The following PCNX1 variants were observed in gnomAD, a reference collection of about 807,000 sequenced individuals.
PCNX1 encodes pecanex-like protein 1.
Under a neutral mutation model 242.2 loss-of-function variants are expected in PCNX1, and 78 were observed. The ratio of observed to expected loss-of-function variants is 0.32; its 90% CI spans 0.27 to 0.39. The LOEUF (loss-of-function observed/expected upper bound fraction) is 0.39. PCNX1 is among the 10% of genes least tolerant of loss of function. The pLI is 1.00. For missense variants in PCNX1, 2,581 were observed against 2,856.5 expected (o/e 0.90, Z 2.20); for synonymous variants, 1,024 against 1,032.9 (o/e 0.99, Z 0.17).
At chr14:71,068,494 A>ATATATATG (rs1491313943) in intron 26 of PCNX1, among the ~76,000 whole-genome samples, 2 of 149,306 alleles carry the variant, frequency 1.3e-5, no homozygotes, top group Non-Finnish European at 3.0e-5. Flanking sequence ...ACACACACAC[A>ATATATATG]TATATATGTA....
In PCNX1 at chr14:71,034,964, C is replaced by G. The variant is rs76942861; in HGVS notation, c.3774+928C>G. Among the ~76,000 whole-genome samples, 1,368 of 152,234 alleles carry G rather than the reference C, an allele frequency of 9.0e-3. 10 individuals are homozygous for G. The highest frequency in any genetic ancestry group is 0.012 in the Non-Finnish European group (843 of 68,002). ...CTATGACCACTGATGGAACCAAAAT[C>G]TAATAAGTAAAATAGGACTTAAGCA... On this transcript the variant is annotated intron_variant, in intron 18 of 35. Coordinates refer to ENST00000304743, the MANE Select transcript of PCNX1 (RefSeq NM_014982.3).
chr14:71,032,131 G>C (rs1423801984), intron 16 of PCNX1, among the ~76,000 whole-genome samples: 7 of 152,168 alleles, frequency 4.6e-5, no homozygotes, highest in African/African-American at 1.7e-4. Flanking sequence ...TCTCCCAGAG[G>C]CTTGACTTAC....
chr14:70,926,645 A>C (rs983324307), intron 1 of PCNX1, among the ~76,000 whole-genome samples: 2 of 152,118 alleles, frequency 1.3e-5, no homozygotes, highest in African/African-American at 4.8e-5. Flanking sequence ...TCTGGCTTTA[A>C]GTGTCAACGG....
At chr14:71,024,510 T>A (rs1033308614) in intron 13 of PCNX1, among the ~76,000 whole-genome samples, 5 of 151,406 alleles carry the variant, frequency 3.3e-5, no homozygotes, top group Non-Finnish European at 5.9e-5. Flanking sequence ...TTAAAAAAAT[T>A]TTTTTTTTTA....
chr14:70,936,341 C>G (rs892368543), intron 1 of PCNX1, among the ~76,000 whole-genome samples: 1 of 150,120 alleles, frequency 6.7e-6, no homozygotes, highest in African/African-American at 2.5e-5. Context: ...CCATGTGCTC[C>G]CATTGTTCAG....
At chr14:70,993,778 G>C (rs1178112754) in intron 7 of PCNX1, among the ~76,000 whole-genome samples, 2 of 152,146 alleles carry the variant, frequency 1.3e-5, no homozygotes, top group Non-Finnish European at 2.9e-5. Flanking sequence ...CGTGGTACCT[G>C]AACTACTACT....
intron 11 of PCNX1, among the ~76,000 whole-genome samples, chr14:71,015,341 G>A (rs2059933570): frequency 1.3e-5 from 2 of 152,278 alleles, no homozygotes; most frequent in South Asian, 4.1e-4. Context: ...TCTTTAAGAG[G>A]TAACTGTTTA....
chr14:70,942,209 C>T (rs908561528), intron 1 of PCNX1, among the ~76,000 whole-genome samples: 10 of 152,202 alleles, frequency 6.6e-5, no homozygotes, highest in Admixed American at 5.9e-4. Flanking sequence ...CTGCATCGCT[C>T]ACGCTGGGAG....
intron 1 of PCNX1, among the ~76,000 whole-genome samples, chr14:70,925,873 T>A (rs2056571740): frequency 6.6e-6 from 1 of 151,246 alleles, no homozygotes; most frequent in African/African-American, 2.4e-5. Context: ...TGCCGTTTTT[T>A]CCTTTTGACC....
Position 70,995,860 on chromosome 14 carries a change from T to A in PCNX1, c.2564T>A (p.Val855Asp). Residue 855 changes from valine to aspartate, a missense_variant, in exon 8 of 36, where the codon GTC (valine) becomes GAC (aspartate). Physicochemically the swap from Val to Asp is radical, Grantham distance 152. This residue lies in a region of PCNX1 where 1,204 missense variants were observed against 1,216.7 expected (regional missense o/e 0.99). Coordinates refer to ENST00000304743, the MANE Select transcript of PCNX1 (RefSeq NM_014982.3). The stretch of plus-strand genomic sequence containing the variant: ...TCCTTGCTGGTGAGAAATGGGAGTG[T>A]CCACTTAGAAGCATCACATGACAAT... ...SASLLVRNGS[V>D]HLEASHDNAS... is the part of the protein sequence containing the mutation. 6.2e-7 allele frequency: 1 copy of A among 1,614,052 alleles called. No homozygotes were observed. The highest frequency in any genetic ancestry group is 8.5e-7 in the Non-Finnish European group (1 of 1,179,934).
In PCNX1 at chr14:70,947,025, A is replaced by G. The variant is rs1335691663; in HGVS notation, c.264A>G (p.Gly88=). Residue 88 remains glycine, a synonymous_variant, in exon 2 of 36, where the codon GGA becomes GGG. Transcript: ENST00000304743. ...GACTACACAGAGCACTTGATGCTGG[A>G]GAAGTTGTAGATAGGACTGCAAATG... ...NYRLHRALDA[G]EVVDRTANEF... 6.2e-7 allele frequency: 1 copy of G among 1,613,780 alleles called. No homozygotes were observed. The highest frequency in any genetic ancestry group is 1.3e-5 in the African/African-American group (1 of 74,918).
chr14:70,985,300 C>T lies in PCNX1; in HGVS notation c.2312-3267C>T, dbSNP rs187047100. Among the ~76,000 whole-genome samples, 404 of 152,146 alleles carry T rather than the reference C, an allele frequency of 2.7e-3. 2 individuals are homozygous for T. Among genetic ancestry groups the T allele is most frequent in the African/African-American group, 9.2e-3 (383 of 41,514 alleles). On this transcript the variant is annotated intron_variant, in intron 6 of 35. Coordinates refer to ENST00000304743, the MANE Select transcript of PCNX1 (RefSeq NM_014982.3). ...CACGATCTTGGCTCACTGCAACCTC[C>T]GCCTCTTGGGTTCAAGTGATTCTCC...
chr14:70,948,635 TTGTGTATATATAGA>T (rs1275517809), intron 2 of PCNX1, among the ~76,000 whole-genome samples: 3 of 140,744 alleles, frequency 2.1e-5, no homozygotes, highest in Admixed American at 7.1e-5. Context: ...ACATATATAG[TTGTGTATATATAGA>T]TGTGTATATA....
At chr14:71,037,379 G>T (rs1354927492) in intron 19 of PCNX1, among the ~76,000 whole-genome samples, 2 of 132,400 alleles carry the variant, frequency 1.5e-5, no homozygotes, top group Non-Finnish European at 3.2e-5. Context: ...TTTTCAAAGG[G>T]AATGCTTCCA....
Position 71,047,933 on chromosome 14 carries a change from T to C in PCNX1, c.4287T>C (p.Phe1429=). ...VLFFKFDYEA[F]SETMLLDLFF... ...TTTTCAAATTTGACTATGAAGCTTTTTCAGAGACCATGCTGTTGGATCTCT... is the reference window on the plus strand; with the variant it reads ...TTTTCAAATTTGACTATGAAGCTTTCTCAGAGACCATGCTGTTGGATCTCT... Residue 1429 remains phenylalanine (F), a synonymous_variant, in exon 22 of 36, where the codon TTT becomes TTC. Transcript: ENST00000304743. 6.2e-7 allele frequency: 1 copy of C among 1,613,320 alleles called. No homozygotes were observed. Among genetic ancestry groups the C allele is most frequent in the Non-Finnish European group, 8.5e-7 (1 of 1,179,458 alleles).
chr14:71,046,453 T>TTA (rs2060863658), intron 20 of PCNX1, among the ~76,000 whole-genome samples: 1 of 152,056 alleles, frequency 6.6e-6, no homozygotes, highest in South Asian at 2.1e-4. Context: ...AAAAATATTA[T>TTA]TTCTTAGAGA....
chr14:70,993,892 T>C (rs1306074304), intron 7 of PCNX1, among the ~76,000 whole-genome samples: 2 of 152,306 alleles, frequency 1.3e-5, no homozygotes, highest in Admixed American at 1.3e-4. Flanking sequence ...ACAAATTATG[T>C]ATGTATGGAA....
chr14:70,934,526 C>T (rs1318703308), intron 1 of PCNX1, among the ~76,000 whole-genome samples: 1 of 152,126 alleles, frequency 6.6e-6, no homozygotes, highest in East Asian at 1.9e-4. Flanking sequence ...AATTGATCCT[C>T]CCCCCTCAGC....
intron 26 of PCNX1, among the ~76,000 whole-genome samples, chr14:71,069,014 T>A (rs769126435): frequency 3.9e-5 from 6 of 152,066 alleles, no homozygotes; most frequent in Non-Finnish European, 7.4e-5. Context: ...TTAATGGACT[T>A]AACAGTTCCA....
Sources: allele counts gnomAD v4.1 joint callset (sites outside exome capture counted in the v4.1 genomes callset), GRCh38; gene constraint gnomAD v4.1.1; regional missense constraint gnomAD v4.1.1; transcripts MANE v1.5; gene names NCBI Gene and HGNC (gene_info 2026-07-23, HGNC 2026-07-21).